Variants in CR1 observed in about 807,000 individuals in gnomAD.
The protein encoded by CR1 is complement C3b/C4b receptor 1 (Knops blood group), also known as complement receptor type 1.
Under a neutral mutation model 187.3 loss-of-function variants are expected in CR1, and 116 were observed. The observed-to-expected ratio is 0.62, with a 90% CI of 0.53 to 0.72. CR1 has a LOEUF of 0.72. CR1 is among the 30% of genes least tolerant of loss of function. CR1 has a pLI of 0.00. For missense variants in CR1, 1,731 were observed against 2,110.7 expected, an observed-to-expected ratio of 0.82 and a Z score of 3.52; for synonymous variants, 576 against 747.1, an observed-to-expected ratio of 0.77 and a Z score of 3.73.
At chr1:207,575,494 C>G in intron 27 of CR1, 101 bp from the exon 28 acceptor site, 1 of 1,467,210 alleles carries the variant, frequency 6.8e-7, no homozygotes, top group East Asian at 2.3e-5. Context: ...AGGCCTTAGA[C>G]TTCTCCTGCA....
intron 35 of CR1, among the ~76,000 whole-genome samples, chr1:207,592,484 TATC>T (rs1361294117): frequency 9.9e-5 from 15 of 152,158 alleles, no homozygotes; most frequent in Non-Finnish European, 2.2e-4. Flanking sequence ...CCACCACTAA[TATC>T]ATACTGAATG....
chr1:207,624,074 C>T (rs1249412540), intron 45 of CR1, among the ~76,000 whole-genome samples: 9 of 151,468 alleles, frequency 5.9e-5, no homozygotes, highest in East Asian at 1.9e-4. Context: ...TACAGCCATA[C>T]GCCACTACAC....
At chr1:207,623,578 A>G (rs1662382080) in intron 45 of CR1, among the ~76,000 whole-genome samples, 1 of 144,692 alleles carries the variant, frequency 6.9e-6, no homozygotes, top group Non-Finnish European at 1.5e-5. Flanking sequence ...GAGTGAGACT[A>G]CATCTCAAAA....
intron 35 of CR1, among the ~76,000 whole-genome samples, chr1:207,603,948 T>G (rs766970211): frequency 3.3e-5 from 5 of 152,142 alleles, no homozygotes; most frequent in African/African-American, 4.8e-5. Flanking sequence ...CAGATTTGAG[T>G]GAAAGGCTAT....
intron 45 of CR1, among the ~76,000 whole-genome samples, chr1:207,625,867 C>T (rs1350556943): frequency 6.6e-6 from 1 of 152,196 alleles, no homozygotes; most frequent in Non-Finnish European, 1.5e-5. Context: ...ATCTTATATT[C>T]TACATAGTGA....
chr1:207,584,187 A>G (rs1320090304), intron 32 of CR1, among the ~76,000 whole-genome samples: 1 of 152,214 alleles, frequency 6.6e-6, no homozygotes, highest in African/African-American at 2.4e-5. Flanking sequence ...TCACTGATAT[A>G]CAAATAATAA....
chr1:207,509,394 C>T (rs1659548356), intron 3 of CR1, among the ~76,000 whole-genome samples: 1 of 152,194 alleles, frequency 6.6e-6, no homozygotes, highest in Non-Finnish European at 1.5e-5. Context: ...GGATATGAGA[C>T]TCCCTGGCTC....
chr1:207,611,101 G>C lies in CR1; in HGVS notation c.6296-576G>C, dbSNP rs531915463. Among the ~76,000 whole-genome samples, 7 of 147,260 alleles carry C rather than the reference G, an allele frequency of 4.8e-5. No individual in the cohort carries two copies. The South Asian group carries it at 1.5e-3, about 32-fold the overall frequency. ...CCCTACCCTCACCCCCTATCCCCAC[G>C]ATTTTGTTCTTGATGCCTCCTCTTT... On this transcript the variant is annotated intron_variant, in intron 37 of 46. Transcript: ENST00000367049.
In CR1 at chr1:207,616,721, T is replaced by A. The variant is rs764452837; in HGVS notation, c.6808T>A (p.Ser2270Thr). The change falls in exon 41 of 47, where the codon TCC (serine) becomes ACC (threonine). Residue 2270 changes from serine (S) to threonine (T), a missense_variant. Physicochemically the swap from Ser to Thr is moderately conservative, Grantham distance 58 (BLOSUM62 1). Around this residue, in one of 5 missense-constraint regions of CR1, gnomAD observed 1,312 missense variants for 1,379.6 expected, o/e 0.95. Coordinates refer to ENST00000367049, the MANE Select transcript of CR1 (RefSeq NM_000651.6). Reference sequence around the variant, plus strand: ...GACCTTCAACCTCATTGGGGAGAGCTCCATCCGCTGCACAAGTGACCCTCA... The same window carrying A: ...GACCTTCAACCTCATTGGGGAGAGCACCATCCGCTGCACAAGTGACCCTCA... ...GMTFNLIGES[S>T]IRCTSDPQGN... The A allele has an allele frequency of 4.3e-6, 7 of 1,613,706 alleles. No individual in the cohort carries two copies. Among genetic ancestry groups the A allele is most frequent in the African/African-American group, 2.7e-5 (2 of 74,926 alleles).
In CR1 at chr1:207,638,712, C is replaced by A. The variant is rs578118089; in HGVS notation, c.7458-685C>A. Among the ~76,000 whole-genome samples the A allele has an allele frequency of 1.5e-4, 23 of 152,318 alleles. 1 individual carries two copies. In the South Asian group the frequency reaches 4.6e-3, roughly 30 times the overall value. ...ACTGGCACTCCAAGGAATTGAAGAGCTAATAACCAATTGAATTTCGCCATT... is the reference window on the plus strand; with the variant it reads ...ACTGGCACTCCAAGGAATTGAAGAGATAATAACCAATTGAATTTCGCCATT... On this transcript the variant is annotated intron_variant, in intron 46 of 46. Coordinates refer to ENST00000367049, the MANE Select transcript of CR1 (RefSeq NM_000651.6).
At chr1:207,613,103 G>T (rs184911833) in intron 39 of CR1, among the ~76,000 whole-genome samples, 3 of 152,290 alleles carry the variant, frequency 2.0e-5, no homozygotes, top group African/African-American at 4.8e-5. Flanking sequence ...CCTGCGTTTG[G>T]TGGGTCCTGA....
chr1:207,585,272 C>A (rs1397931042), intron 33 of CR1, among the ~76,000 whole-genome samples: 1 of 152,182 alleles, frequency 6.6e-6, no homozygotes, highest in Admixed American at 6.5e-5. Context: ...CATGGGCATG[C>A]AAAGTTCAAA....
intron 3 of CR1, chr1:207,507,438 T>C (rs1659475458): frequency 1.3e-5 from 2 of 152,402 alleles, no homozygotes; most frequent in Admixed American, 1.3e-4. Flanking sequence ...GTCTTCCCTC[T>C]GGGTCTGTGT....
At chr1:207,623,159 C>T (rs1241591048) in intron 45 of CR1, 91 bp downstream of exon 45, 1 of 859,390 alleles carries the variant, frequency 1.2e-6, no homozygotes, top group Non-Finnish European at 1.8e-6. Flanking sequence ...AAACCCATTG[C>T]TACATAAACA....
intron 24 of CR1, among the ~76,000 whole-genome samples, chr1:207,566,617 G>A (rs1404168862): frequency 6.7e-6 from 1 of 150,158 alleles, no homozygotes; most frequent in Non-Finnish European, 1.5e-5. Context: ...ATTAGACAGG[G>A]TGAGCAGTTT....
intron 46 of CR1, 34 bp downstream of exon 46, chr1:207,630,655 C>G: frequency 7.1e-7 from 1 of 1,407,318 alleles, no homozygotes; most frequent in Non-Finnish European, 9.6e-7. Flanking sequence ...AAAATGTTTT[C>G]AACAACTCAA....
At chr1:207,496,422 G>T in intron 1 of CR1, 34 bp downstream of exon 1, 1 of 1,577,866 alleles carries the variant, frequency 6.3e-7, no homozygotes, top group South Asian at 1.1e-5. Context: ...AGGCGCCCGG[G>T]CGGACGAGGA....
chr1:207,587,386 G>A lies in CR1; in HGVS notation c.5531G>A (p.Gly1844Asp). The change falls in exon 34 of 47, where the codon GGT (glycine) becomes GAT (aspartate). Residue 1844 changes from glycine to aspartate, a missense_variant and splice_region_variant. Gly to Asp is a moderately conservative substitution (Grantham distance 94). Coordinates refer to ENST00000367049, the MANE Select transcript of CR1 (RefSeq NM_000651.6). ...APRCELSVRA[G>D]HCKTPEQFPF... ...ATATTCCTGTGGTTTTTCTCTCCAG[G>A]TCACTGTAAAACCCCAGAGCAGTTT... 3 of 1,609,276 alleles carry A rather than the reference G, an allele frequency of 1.9e-6. No homozygotes were observed. Among genetic ancestry groups the A allele is most frequent in the Non-Finnish European group, 2.5e-6 (3 of 1,177,522 alleles).
chr1:207,636,463 T>C (rs1662816825), intron 46 of CR1, among the ~76,000 whole-genome samples: 1 of 152,296 alleles, frequency 6.6e-6, no homozygotes, highest in Non-Finnish European at 1.5e-5. Flanking sequence ...ATCTGAGATA[T>C]TCCAGTCACA....
Sources: allele counts gnomAD v4.1 joint callset (sites outside exome capture counted in the v4.1 genomes callset), GRCh38; gene constraint gnomAD v4.1.1; regional missense constraint gnomAD v4.1.1; transcripts MANE v1.5; gene names NCBI Gene and HGNC (gene_info 2026-07-23, HGNC 2026-07-21).